DISC1: variants seen among roughly 807,000 people sequenced by gnomAD.
DISC1 encodes DISC1 scaffold protein.
Under a neutral mutation model 84.5 loss-of-function variants are expected in DISC1, and 57 were observed. The ratio of observed to expected loss-of-function variants is 0.67; its 90% confidence interval spans 0.55 to 0.84. The LOEUF (loss-of-function observed/expected upper bound fraction) is 0.84, where lower values mean the gene tolerates loss of function less well. DISC1 is among the 40% of genes least tolerant of loss of function. DISC1 has a pLI of 0.00. For missense variants in DISC1, 1,000 were observed against 1,057.8 expected (o/e 0.95, Z 0.76); for synonymous variants, 411 against 415.2 (o/e 0.99, Z 0.12).
intron 6 of DISC1, among the ~76,000 whole-genome samples, chr1:231,794,280 C>T (rs1168722832): frequency 6.6e-6 from 1 of 150,936 alleles, no homozygotes; most frequent in Non-Finnish European, 1.5e-5. Context: ...GCCCAGTTCA[C>T]TTTTCACCTC....
At chr1:231,646,475 G>A (rs1369847392) in intron 1 of DISC1, among the ~76,000 whole-genome samples, 1 of 152,146 alleles carries the variant, frequency 6.6e-6, no homozygotes, top group Non-Finnish European at 1.5e-5. Context: ...AAGCGTGCAT[G>A]TGTCTTTCTA....
chr1:231,893,162 TCAAAAA>T (rs1239964256), intron 9 of DISC1, among the ~76,000 whole-genome samples: 1 of 151,730 alleles, frequency 6.6e-6, no homozygotes, highest in Non-Finnish European at 1.5e-5. Flanking sequence ...GACCACCATC[TCAAAAA>T]CAAAAACAAA....
chr1:232,016,074 T>C lies in DISC1; in HGVS notation c.2307+7025T>C, dbSNP rs146624987. On this transcript the variant is annotated intron_variant, in intron 11 of 12. Transcript: ENST00000439617. ...CTTTCCAGCAAACTACAGGGGTGCC[T>C]GAGACTTTAGGGTGGGAAGCAAGCT... Among the ~76,000 whole-genome samples the C allele has an allele frequency of 1.2e-3, 189 of 152,282 alleles. 1 individual carries two copies. Among genetic ancestry groups the C allele is most frequent in the African/African-American group, 4.5e-3 (185 of 41,550 alleles).
intron 9 of DISC1, among the ~76,000 whole-genome samples, chr1:231,866,059 A>G (rs763449726): frequency 2.6e-5 from 4 of 152,128 alleles, no homozygotes; most frequent in African/African-American, 4.8e-5. Context: ...GGGATTACTC[A>G]ACTCATTACT....
At chr1:231,735,551 T>C (rs2072367925) in intron 3 of DISC1, among the ~76,000 whole-genome samples, 1 of 152,204 alleles carries the variant, frequency 6.6e-6, no homozygotes, top group African/African-American at 2.4e-5. Flanking sequence ...GTTAAGAATA[T>C]AGGTTTTGGA....
chr1:231,829,315 GC>G (rs1415187632), intron 9 of DISC1, among the ~76,000 whole-genome samples: 2 of 152,074 alleles, frequency 1.3e-5, no homozygotes, highest in Admixed American at 6.5e-5. Flanking sequence ...TTTAATTCAT[GC>G]CTTGTTTTTG....
chr1:231,682,936 A>G (rs897158261), intron 1 of DISC1, among the ~76,000 whole-genome samples: 3 of 152,204 alleles, frequency 2.0e-5, no homozygotes, highest in East Asian at 3.8e-4. Flanking sequence ...CTGGATGTCA[A>G]ACTGCTGGGT....
At chr1:231,800,044 G>A (rs1236550627) in intron 7 of DISC1, 64 bp from the exon 8 acceptor site, 3 of 1,265,226 alleles carry the variant, frequency 2.4e-6, no homozygotes, top group Admixed American at 1.7e-5. Context: ...TGACCTGGCT[G>A]TTCCACTGCC....
intron 10 of DISC1, among the ~76,000 whole-genome samples, chr1:231,969,515 G>A (rs1661618916): frequency 6.6e-6 from 1 of 151,810 alleles, no homozygotes; most frequent in South Asian, 2.1e-4. Flanking sequence ...ACCCTCAGTG[G>A]AGCTCAAAAG....
In DISC1 at chr1:232,037,971, CAGT is replaced by C. The variant is rs1232367964; in HGVS notation, c.*1142_*1144del. On this transcript the variant is annotated 3_prime_UTR_variant, in exon 13 of 13. Coordinates refer to ENST00000439617, the MANE Select transcript of DISC1 (RefSeq NM_018662.3). ...CAGTACTCAGTAACAGTGCAGTACT[CAGT>C]AAGGCAGTGCAGTACTCAGTAACAC... 6.6e-6 allele frequency: 1 copy of C among 151,236 alleles called. No homozygotes were observed. Among genetic ancestry groups the C allele is most frequent in the African/African-American group, 2.4e-5 (1 of 41,112 alleles). 9.4% of individuals were successfully genotyped at this position (151,236 alleles called of 1,614,324 possible). A position where few individuals can be genotyped will look rare whatever the true frequency, so the allele number is the denominator to read the frequency against.
At chr1:231,936,111 CCAGGAA>C (rs1199413424) in intron 9 of DISC1, among the ~76,000 whole-genome samples, 4 of 152,120 alleles carry the variant, frequency 2.6e-5, no homozygotes, top group African/African-American at 9.7e-5. Context: ...AAGTCTGACC[CCAGGAA>C]CCACCCTGAG....
chr1:231,959,591 T>A (rs201541334), intron 10 of DISC1: 11 of 786,796 alleles, frequency 1.4e-5, no homozygotes, highest in Non-Finnish European at 1.7e-5. Context: ...AGGCTATGCC[T>A]TAAGCCTTTG....
intron 4 of DISC1, among the ~76,000 whole-genome samples, chr1:231,757,900 C>T (rs966367151): frequency 3.3e-5 from 5 of 151,932 alleles, no homozygotes; most frequent in African/African-American, 1.2e-4. Context: ...CCGATTCCCT[C>T]CACAACTGGG....
chr1:231,918,954 A>G (rs2089823562), intron 9 of DISC1, among the ~76,000 whole-genome samples: 1 of 152,200 alleles, frequency 6.6e-6, no homozygotes, highest in South Asian at 2.1e-4. Flanking sequence ...TTCCCTATGC[A>G]ATAGAGTTTT....
At chr1:231,631,347 T>C (rs992731133) in intron 1 of DISC1, among the ~76,000 whole-genome samples, 3 of 152,218 alleles carry the variant, frequency 2.0e-5, no homozygotes, top group African/African-American at 7.2e-5. Context: ...ATGCCTAGTA[T>C]TTACTATACA....
At chr1:231,977,827 C>A (rs953161971) in intron 10 of DISC1, among the ~76,000 whole-genome samples, 1 of 152,144 alleles carries the variant, frequency 6.6e-6, no homozygotes, top group African/African-American at 2.4e-5. Flanking sequence ...CATTATCATA[C>A]CTAAAAACAT....
intron 1 of DISC1, among the ~76,000 whole-genome samples, chr1:231,628,744 A>AT (rs1444638137): frequency 1.3e-5 from 2 of 151,724 alleles, no homozygotes; most frequent in Non-Finnish European, 2.9e-5. Context: ...AATTTAGGTA[A>AT]TTTTTTTTTC....
rs16854950 is a variant in DISC1 at position 231,776,772 on chromosome 1, T to A, written c.1634+5702T>A. On this transcript the variant is annotated intron_variant, in intron 6 of 12. Coordinates refer to ENST00000439617, the MANE Select transcript of DISC1 (RefSeq NM_018662.3). The stretch of plus-strand genomic sequence containing the variant: ...GGGAAAAAAAAATCAATAGTTCCTC[T>A]TTTCCCTCAGAAACATATCTTATTA... 7.9e-3 allele frequency among the ~76,000 whole-genome samples: 1,200 copies of A among 152,318 alleles called. 11 individuals are homozygous for A. Among genetic ancestry groups the A allele is most frequent in the African/African-American group, 0.027 (1,136 of 41,578 alleles).
intron 10 of DISC1, among the ~76,000 whole-genome samples, chr1:231,992,680 T>A (rs1278128657): frequency 2.0e-5 from 3 of 152,208 alleles, no homozygotes; most frequent in African/African-American, 7.2e-5. Context: ...ATGTTGAGAC[T>A]TACCCTGAGA....
Sources: allele counts gnomAD v4.1 joint callset (sites outside exome capture counted in the v4.1 genomes callset), GRCh38; gene constraint gnomAD v4.1.1; transcripts MANE v1.5; gene names NCBI Gene and HGNC (gene_info 2026-07-23, HGNC 2026-07-21).